The following TENT4B variants were observed in gnomAD, a reference collection of about 807,000 sequenced individuals.
TENT4B encodes terminal nucleotidyltransferase 4B.
In TENT4B, 10 loss-of-function variants were observed where a neutral mutation model predicts 75.0. That is an observed-to-expected ratio of 0.13 (90% CI 0.08 to 0.23). The LOEUF (loss-of-function observed/expected upper bound fraction) is 0.23, where lower values mean the gene tolerates loss of function less well. Among genes scored for constraint, TENT4B ranks in the 10% least tolerant of loss-of-function variants. The pLI is 1.00. For synonymous variants in TENT4B, 350 were observed against 357.7 expected (o/e 0.98, Z 0.24); for missense variants, 579 against 893.8 (o/e 0.65, Z 4.49).
At chr16:50,181,283 C>G (rs931599856) in intron 1 of TENT4B, among the ~76,000 whole-genome samples, 1 of 151,302 alleles carries the variant, frequency 6.6e-6, no homozygotes, top group Non-Finnish European at 1.5e-5. Context: ...CTTGAAATGC[C>G]CTTTATCAGT....
At chr16:50,208,739 T>G (rs757591392) in intron 1 of TENT4B, among the ~76,000 whole-genome samples, 1 of 145,936 alleles carries the variant, frequency 6.9e-6, no homozygotes, top group Non-Finnish European at 1.5e-5. Flanking sequence ...ATGAATTGTC[T>G]TTTTTTTTTT....
In TENT4B at chr16:50,229,527, G is replaced by A. The variant is rs200208181; in HGVS notation, c.*199G>A. ...AAAACAAAACAAAACAAAAAAAAAAGCAAGCAAAAAAGAGGGAAAAAAAAG... is the reference window on the plus strand; with the variant it reads ...AAAACAAAACAAAACAAAAAAAAAAACAAGCAAAAAAGAGGGAAAAAAAAG... On this transcript the variant is annotated 3_prime_UTR_variant, in exon 12 of 12. Transcript: ENST00000561678. The A allele has an allele frequency of 5.6e-6, 7 of 1,240,748 alleles. No individual in the cohort carries two copies. In the African/African-American group the frequency reaches 1.1e-4, roughly 19 times the overall value. 76.9% of individuals were successfully genotyped at this position (1,240,748 alleles called of 1,614,324 possible).
intron 10 of TENT4B, among the ~76,000 whole-genome samples, chr16:50,226,480 G>A (rs2032060412): frequency 6.6e-6 from 1 of 152,170 alleles, no homozygotes; most frequent in Non-Finnish European, 1.5e-5. Flanking sequence ...CGCCCAGGCT[G>A]GAGTGCAGTG....
intron 11 of TENT4B, 137 bp downstream of exon 11, chr16:50,228,140 C>T (rs1411870090): frequency 1.9e-6 from 2 of 1,080,308 alleles, no homozygotes; most frequent in South Asian, 1.6e-5. Context: ...TAAGAGGTTC[C>T]AACACATGAC....
At chr16:50,221,803 A>C (rs113272422) in intron 5 of TENT4B, among the ~76,000 whole-genome samples, 6 of 149,944 alleles carry the variant, frequency 4.0e-5, no homozygotes, top group African/African-American at 1.5e-4. Context: ...TTGCTCTGTC[A>C]CCCAGGCTGG....
chr16:50,221,496 G>A (rs1195026150), intron 5 of TENT4B, among the ~76,000 whole-genome samples: 1 of 152,178 alleles, frequency 6.6e-6, no homozygotes, highest in Non-Finnish European at 1.5e-5. Context: ...GGTGGTCTGT[G>A]TGTAGTCATC....
chr16:50,205,608 T>TGA (rs2030915621), intron 1 of TENT4B, among the ~76,000 whole-genome samples: 1 of 126,258 alleles, frequency 7.9e-6, no homozygotes, highest in Non-Finnish European at 1.6e-5. Context: ...TTTTTTTTTT[T>TGA]GAGACAGAGT....
At position 50,232,290 on chromosome 16, in the gene TENT4B, T is replaced by C. The variant is rs1435273156; in HGVS notation, c.*2962T>C. ...ATCTAGCTTGGATCTGTAGGACCTA[T>C]GTTTTTTACAAGTAATTGCCCTCCA... On this transcript the variant is annotated 3_prime_UTR_variant, in exon 12 of 12. Coordinates refer to ENST00000561678, the MANE Select transcript of TENT4B (RefSeq NM_001365324.3). 2 of 985,342 alleles carry C rather than the reference T, an allele frequency of 2.0e-6. No homozygotes were observed. The highest frequency in any genetic ancestry group is 3.5e-5 in the African/African-American group (2 of 57,248). 61.0% of individuals were successfully genotyped at this position (985,342 alleles called of 1,614,324 possible).
intron 1 of TENT4B, among the ~76,000 whole-genome samples, chr16:50,166,602 A>G (rs11861939): frequency 0.016 from 2,407 of 152,006 alleles, 52 homozygotes; most frequent in African/African-American, 0.055. Flanking sequence ...GTTGAGCTAT[A>G]GGAGTTCTTT....
At chr16:50,153,100 G>C (rs1482267740), upstream of TENT4B, 1 of 1,304,936 alleles carries the variant, frequency 7.7e-7, no homozygotes, top group Non-Finnish European at 9.9e-7. Flanking sequence ...CCGTCGCGCC[G>C]CGGCCTCTGT....
chr16:50,209,574 C>G (rs1392521097), intron 1 of TENT4B, among the ~76,000 whole-genome samples: 1 of 152,202 alleles, frequency 6.6e-6, no homozygotes, highest in African/African-American at 2.4e-5. Context: ...CGTTTTATGA[C>G]ATATTGCATA....
At chr16:50,195,717 T>G (rs1208635638) in intron 1 of TENT4B, among the ~76,000 whole-genome samples, 5 of 152,244 alleles carry the variant, frequency 3.3e-5, no homozygotes, top group Non-Finnish European at 7.3e-5. Flanking sequence ...GAGGCCTCTT[T>G]AAAATTATCA....
At chr16:50,156,346 T>G (rs1371400688) in intron 1 of TENT4B, among the ~76,000 whole-genome samples, 2 of 206 alleles carry the variant, frequency 9.7e-3, no homozygotes, top group Non-Finnish European at 0.071. Context: ...TGTATTCTGA[T>G]TTTTTTTTTT....
chr16:50,183,194 C>T (rs984922403), intron 1 of TENT4B, among the ~76,000 whole-genome samples: 1 of 151,932 alleles, frequency 6.6e-6, no homozygotes, highest in South Asian at 2.1e-4. Flanking sequence ...CAGGCATGTG[C>T]CACCACACCC....
At chr16:50,205,612 A>G (rs1188254654) in intron 1 of TENT4B, among the ~76,000 whole-genome samples, 1 of 84,518 alleles carries the variant, frequency 1.2e-5, no homozygotes, top group African/African-American at 5.4e-5. Flanking sequence ...TTTTTTTGAG[A>G]CAGAGTCTTG....
At chr16:50,184,711 GTT>G (rs1230431376) in intron 1 of TENT4B, among the ~76,000 whole-genome samples, 1 of 151,092 alleles carries the variant, frequency 6.6e-6, no homozygotes, top group Non-Finnish European at 1.5e-5. Context: ...ATGCTTGAGG[GTT>G]TTTTTTTATT....
chr16:50,197,508 T>C (rs758721622), intron 1 of TENT4B, among the ~76,000 whole-genome samples: 1 of 152,146 alleles, frequency 6.6e-6, no homozygotes, highest in Non-Finnish European at 1.5e-5. Flanking sequence ...AGTCTGGTCT[T>C]GAACTCCTGG....
intron 1 of TENT4B, among the ~76,000 whole-genome samples, chr16:50,180,104 T>C (rs532653284): frequency 7.3e-4 from 50 of 68,080 alleles, no homozygotes; most frequent in Middle Eastern, 0.016. Flanking sequence ...TTTCTTTTTT[T>C]CTTTTTCTTT....
At chr16:50,191,525 C>T (rs2038638679) in intron 1 of TENT4B, among the ~76,000 whole-genome samples, 1 of 152,204 alleles carries the variant, frequency 6.6e-6, no homozygotes, top group Non-Finnish European at 1.5e-5. Flanking sequence ...CCTCCTGCTT[C>T]AGCCTCCCAA....
Sources: allele counts gnomAD v4.1 joint callset (sites outside exome capture counted in the v4.1 genomes callset), GRCh38; gene constraint gnomAD v4.1.1; transcripts MANE v1.5; gene names NCBI Gene and HGNC (gene_info 2026-07-23, HGNC 2026-07-21).